Variants in RBFOX1 observed in about 807,000 individuals in gnomAD.
RBFOX1 encodes the protein RNA binding protein fox-1 homolog 1.
In RBFOX1, 8 loss-of-function variants were observed where a neutral mutation model predicts 57.7. The observed-to-expected ratio is 0.14, with a 90% CI of 0.08 to 0.25. The LOEUF (loss-of-function observed/expected upper bound fraction) is 0.25. RBFOX1 is among the 10% of genes least tolerant of loss of function. The probability of loss-of-function intolerance (pLI) is 1.00; values close to 1 mark genes in which losing one functional copy is unlikely to be tolerated. For missense variants in RBFOX1, 611 were observed against 548.5 expected, an observed-to-expected ratio of 1.11 and a Z score of -1.14; for synonymous variants, 326 against 222.4, an observed-to-expected ratio of 1.47 and a Z score of -4.15.
intron 3 of RBFOX1, among the ~76,000 whole-genome samples, chr16:6,794,159 A>C (rs1042733538): frequency 6.6e-6 from 1 of 152,094 alleles, no homozygotes; most frequent in East Asian, 1.9e-4. Context: ...GTGTTCCCTA[A>C]GTTCTTCCCA....
intron 3 of RBFOX1, among the ~76,000 whole-genome samples, chr16:6,874,512 A>T (rs1371740236): frequency 1.8e-4 from 2 of 11,064 alleles, no homozygotes; most frequent in African/African-American, 1.8e-3. Flanking sequence ...CTCCATCTAA[A>T]AAAAAAAAAA....
At chr16:7,621,076 A>G (rs144809248) in intron 10 of RBFOX1, among the ~76,000 whole-genome samples, 114 of 152,258 alleles carry the variant, frequency 7.5e-4, no homozygotes, top group African/African-American at 2.6e-3. Flanking sequence ...ATCTGCATTT[A>G]GAAGAGTCCC....
intron 2 of RBFOX1, among the ~76,000 whole-genome samples, chr16:6,525,086 C>T (rs1209967392): frequency 6.6e-6 from 1 of 152,186 alleles, no homozygotes; most frequent in African/African-American, 2.4e-5. Flanking sequence ...CCTCCCTCCA[C>T]CTAAATTATC....
chr16:6,106,472 T>TA (rs113891633), intron 1 of RBFOX1, among the ~76,000 whole-genome samples: 3,639 of 131,430 alleles, frequency 0.028, 126 homozygotes, highest in African/African-American at 0.067. Flanking sequence ...GTCTCAAAAA[T>TA]AAAAAAAAAA....
intron 1 of RBFOX1, among the ~76,000 whole-genome samples, chr16:5,373,270 C>G (rs372354565): frequency 6.6e-6 from 1 of 152,048 alleles, no homozygotes; most frequent in Non-Finnish European, 1.5e-5. Flanking sequence ...AGAGATAGGG[C>G]CAGTGGGTGT....
intron 3 of RBFOX1, among the ~76,000 whole-genome samples, chr16:6,816,872 G>A (rs2090196152): frequency 6.6e-6 from 1 of 151,996 alleles, no homozygotes; most frequent in Non-Finnish European, 1.5e-5. Context: ...ACCCTCCCAA[G>A]TAGTTGGGAC....
intron 2 of RBFOX1, among the ~76,000 whole-genome samples, chr16:6,543,584 G>A (rs545088769): frequency 6.6e-6 from 1 of 152,154 alleles, no homozygotes; most frequent in African/African-American, 2.4e-5. Context: ...CTGCTGCTTT[G>A]GGTTGTTTTG....
intron 1 of RBFOX1, among the ~76,000 whole-genome samples, chr16:5,392,896 A>G (rs536633690): frequency 2.0e-5 from 3 of 152,232 alleles, no homozygotes; most frequent in South Asian, 2.1e-4. Flanking sequence ...ACATCCTGGC[A>G]CTTACCTGCT....
chr16:6,751,907 A>C (rs1015916451), intron 3 of RBFOX1, among the ~76,000 whole-genome samples: 3 of 152,172 alleles, frequency 2.0e-5, no homozygotes, highest in African/African-American at 7.2e-5. Context: ...TGAATTTTCC[A>C]GGGGTGCCAG....
At chr16:7,070,336 G>T (rs746056397) in intron 4 of RBFOX1, among the ~76,000 whole-genome samples, 1 of 152,164 alleles carries the variant, frequency 6.6e-6, no homozygotes, top group Admixed American at 6.5e-5. Flanking sequence ...TTCCTGGATA[G>T]AGAACATGGA....
At chr16:6,738,007 A>G (rs2154179924) in intron 3 of RBFOX1, among the ~76,000 whole-genome samples, 1 of 152,178 alleles carries the variant, frequency 6.6e-6, no homozygotes, top group Non-Finnish European at 1.5e-5. Flanking sequence ...TGCCACTGGG[A>G]ATAATAATGT....
intron 4 of RBFOX1, among the ~76,000 whole-genome samples, chr16:7,054,803 A>G (rs1033804072): frequency 1.3e-5 from 2 of 152,192 alleles, no homozygotes; most frequent in Non-Finnish European, 2.9e-5. Context: ...TGGCCGTGTT[A>G]TCATGTCGAG....
intron 2 of RBFOX1, among the ~76,000 whole-genome samples, chr16:6,644,938 C>G (rs979331863): frequency 6.6e-6 from 1 of 152,148 alleles, no homozygotes; most frequent in African/African-American, 2.4e-5. Context: ...TCTATGACTT[C>G]CGTAGCAAAT....
intron 3 of RBFOX1, among the ~76,000 whole-genome samples, chr16:5,851,713 T>C (rs2056901542): frequency 1.3e-5 from 2 of 152,372 alleles, no homozygotes; most frequent in Non-Finnish European, 2.9e-5. Flanking sequence ...CTTTTCATTT[T>C]GGCTCCGTAA....
intron 5 of RBFOX1, among the ~76,000 whole-genome samples, chr16:7,541,473 T>TC (rs1567738909): frequency 5.3e-5 from 8 of 152,120 alleles, no homozygotes; most frequent in African/African-American, 1.4e-4. Flanking sequence ...TTTTTTTTTT[T>TC]CCCGACTTTT....
chr16:6,639,047 G>T (rs1035654763), intron 2 of RBFOX1, among the ~76,000 whole-genome samples: 1 of 152,194 alleles, frequency 6.6e-6, no homozygotes. Context: ...GCCCCACCCA[G>T]CCACCTACAA....
chr16:6,167,254 T>C (rs2096924894), intron 1 of RBFOX1, among the ~76,000 whole-genome samples: 1 of 152,254 alleles, frequency 6.6e-6, no homozygotes, highest in Non-Finnish European at 1.5e-5. Flanking sequence ...TTGCCGAAGT[T>C]GCTCTTTGAT....
chr16:7,370,583 G>T (rs962100216), intron 4 of RBFOX1, among the ~76,000 whole-genome samples: 3 of 152,150 alleles, frequency 2.0e-5, no homozygotes, highest in African/African-American at 7.2e-5. Flanking sequence ...CAGATGTGCT[G>T]CCTTGCAGAG....
intron 2 of RBFOX1, among the ~76,000 whole-genome samples, chr16:6,497,413 A>C (rs537191899): frequency 1.3e-5 from 2 of 152,288 alleles, no homozygotes; most frequent in South Asian, 4.1e-4. Context: ...CCCACTCTGT[A>C]GATAGTCACT....
Sources: allele counts gnomAD v4.1 joint callset (sites outside exome capture counted in the v4.1 genomes callset), GRCh38; gene constraint gnomAD v4.1.1; transcripts MANE v1.5; gene names NCBI Gene and HGNC (gene_info 2026-07-23, HGNC 2026-07-21).